The following MAP2K5 variants were observed in gnomAD, a reference collection of about 807,000 sequenced individuals.
MAP2K5 encodes mitogen-activated protein kinase kinase 5.
MAP2K5 carries 49 observed loss-of-function variants against 83.1 expected under a neutral mutation model. The ratio of observed to expected loss-of-function variants is 0.59; its 90% CI spans 0.47 to 0.75. The LOEUF is 0.75. MAP2K5 is among the 30% of genes least tolerant of loss of function. The pLI, the probability that MAP2K5 is intolerant of heterozygous loss-of-function variation, is 0.00. For synonymous variants in MAP2K5, 202 were observed against 191.8 expected, an observed-to-expected ratio of 1.05 and a Z score of -0.44; for missense variants, 457 against 557.5, an observed-to-expected ratio of 0.82 and a Z score of 1.82.
chr15:67,806,567 CTGAGGGCAGGCCCTGGAAAGTACAA>C, intron 21 of MAP2K5, 54 bp from the exon 22 acceptor site: 1 of 1,253,800 alleles, frequency 8.0e-7, no homozygotes, highest in Non-Finnish European at 1.1e-6. Context: ...CAGATCCAGG[CTGAGGGCAGGCCCTGGAAAGTACAA>C]TGAGCGCGGG....
Position 67,711,177 on chromosome 15 carries a change from C to T in MAP2K5, c.1044+7769C>T, listed in dbSNP as rs12907213. Among the ~76,000 whole-genome samples, 573 of 152,322 alleles carry T rather than the reference C, an allele frequency of 3.8e-3. 5 individuals carry two copies. Among genetic ancestry groups the T allele is most frequent in the South Asian group, 0.013 (63 of 4,828 alleles). Reference sequence around the variant, plus strand: ...AGTACAATTCCATTGCCCTAGTGGGCACTCAGTAAATCTTTTTGACTCAAA... The same window carrying T: ...AGTACAATTCCATTGCCCTAGTGGGTACTCAGTAAATCTTTTTGACTCAAA... On this transcript the variant is annotated intron_variant, in intron 16 of 21. Transcript: ENST00000178640.
intron 17 of MAP2K5, among the ~76,000 whole-genome samples, chr15:67,733,792 T>C (rs983920173): frequency 6.6e-6 from 1 of 152,058 alleles, no homozygotes; most frequent in African/African-American, 2.4e-5. Flanking sequence ...AAGTGAAAAA[T>C]ATGCATTCTT....
At chr15:67,697,529 A>G (rs1398274489) in intron 15 of MAP2K5, among the ~76,000 whole-genome samples, 2 of 152,134 alleles carry the variant, frequency 1.3e-5, no homozygotes, top group African/African-American at 4.8e-5. Context: ...ATCTCCCCCA[A>G]TCTAGATTAT....
rs190813175 is a variant in MAP2K5, at chr15:67,674,094, G to A, written c.847+9449G>A. On this transcript the variant is annotated intron_variant, in intron 13 of 21. Transcript: ENST00000178640. ...GATCTCCTGACCTTGTGATCCACCC[G>A]TCTCGGCCTCCCAAAGTGCTGAGAT... Among the ~76,000 whole-genome samples the A allele has an allele frequency of 4.5e-4, 69 of 152,200 alleles. 1 individual carries two copies. The Middle Eastern group carries it at 0.017, about 38-fold the overall frequency.
rs752127319 is a variant in MAP2K5, at chr15:67,769,607, G to T, written c.1140G>T (p.Ser380=). 1 of 1,613,604 alleles carries T rather than the reference G, an allele frequency of 6.2e-7. No individual in the cohort carries two copies. ...ATGTTTTTCCTCCATCACAGGATTC[G>T]CCCGTCCTTCCAGTTGGAGAGTTCT... ...QLLQCIVDED[S]PVLPVGEFSE... The change falls in exon 20 of 22, where the codon TCG becomes TCT. Residue 380 remains serine (S), a synonymous_variant. Transcript: ENST00000178640. This position sits in a 1 kb window ranked among gnomAD's most constrained non-coding sequence, Gnocchi z 5.2.
intron 4 of MAP2K5, among the ~76,000 whole-genome samples, chr15:67,582,823 A>AACACAC (rs10579310): frequency 8.8e-5 from 13 of 148,234 alleles, no homozygotes; most frequent in East Asian, 4.0e-4. Context: ...ATTGTCTCAA[A>AACACAC]ACACACACAC....
At position 67,690,804 on chromosome 15, in the gene MAP2K5, G is replaced by A. The variant is rs1336535160; in HGVS notation, c.848-1675G>A. Among the ~76,000 whole-genome samples the A allele has an allele frequency of 6.6e-6, 1 of 152,148 alleles. No individual in the cohort carries two copies. Among genetic ancestry groups the A allele is most frequent in the East Asian group, 1.9e-4 (1 of 5,198 alleles). On this transcript the variant is annotated intron_variant, in intron 13 of 21. Coordinates refer to ENST00000178640, the MANE Select transcript of MAP2K5 (RefSeq NM_145160.3). The surrounding 1 kb of genome is among the most constrained non-coding windows in gnomAD (Gnocchi z 4.3). The stretch of plus-strand genomic sequence containing the variant: ...CTGCCTCAGCCTCCCAAAGTGTTGG[G>A]ATTACATGCGTGAGCCACTGCTCCC...
At position 67,780,458 on chromosome 15, in the gene MAP2K5, G is replaced by T. The variant is rs908495102; in HGVS notation, c.1242+7706G>T. On this transcript the variant is annotated intron_variant, in intron 21 of 21. Coordinates refer to ENST00000178640, the MANE Select transcript of MAP2K5 (RefSeq NM_145160.3). The surrounding 1 kb of genome is among the most constrained non-coding windows in gnomAD (Gnocchi z 5.0). ...AGGCAAAACAGTGTTGGTTGCACAT[G>T]CTATTCTCTCTAATCCAATCCAGTA... Among the ~76,000 whole-genome samples the T allele has an allele frequency of 6.6e-6, 1 of 152,132 alleles. No individual in the cohort carries two copies.
intron 11 of MAP2K5, among the ~76,000 whole-genome samples, chr15:67,649,615 T>G (rs2141125010): frequency 6.6e-6 from 1 of 152,326 alleles, no homozygotes; most frequent in Non-Finnish European, 1.5e-5. Flanking sequence ...CTTGTTATAC[T>G]TGTTGAAAAT....
At chr15:67,684,739 G>A (rs1349993326) in intron 13 of MAP2K5, among the ~76,000 whole-genome samples, 3 of 152,050 alleles carry the variant, frequency 2.0e-5, no homozygotes, top group Non-Finnish European at 2.9e-5. Context: ...GGAAACATGA[G>A]CATAATGAGA....
chr15:67,564,876 A>T (rs1251356189), intron 3 of MAP2K5, among the ~76,000 whole-genome samples: 1 of 152,232 alleles, frequency 6.6e-6, no homozygotes, highest in African/African-American at 2.4e-5. Flanking sequence ...CATGCAAAAG[A>T]TATGTACTTT....
rs1346301189 is a variant in MAP2K5 at position 67,590,942 on chromosome 15, C to T, written c.432-1984C>T. 3.3e-5 allele frequency among the ~76,000 whole-genome samples: 5 copies of T among 152,226 alleles called. No individual in the cohort carries two copies. The South Asian group carries it at 6.2e-4, about 19-fold the overall frequency. On this transcript the variant is annotated intron_variant, in intron 6 of 21. Transcript: ENST00000178640. ...AGAATACGTAAGATGTGTCTGTGTT[C>T]TCAGGGAGCTCCCAGACTCTCCCCT...
chr15:67,630,791 A>C, intron 8 of MAP2K5, 97 bp from the exon 9 acceptor site: 1 of 787,124 alleles, frequency 1.3e-6, no homozygotes, highest in South Asian at 1.5e-5. Flanking sequence ...CATGTATCCC[A>C]CTGCTGCAGA....
In MAP2K5 at chr15:67,543,485, CAG is replaced by C. The variant is rs1465730806; in HGVS notation, c.135+16_135+17del. The C allele has an allele frequency of 4.3e-6, 7 of 1,613,952 alleles. No individual in the cohort carries two copies. The highest frequency in any genetic ancestry group is 5.9e-6 in the Non-Finnish European group (7 of 1,179,922). ...GGGATGTGCTGGTGAGTGGTAATCT[CAG>C]TGTCCGGATGCCAGCAAGGGGGACT... On this transcript the variant is annotated intron_variant, in intron 1 of 21. Transcript: ENST00000178640. This position sits in a 1 kb window ranked among gnomAD's most constrained non-coding sequence, Gnocchi z 4.3.
In MAP2K5 at chr15:67,782,528, CTCTCT is replaced by C. The variant is rs1458288640; in HGVS notation, c.1242+9781_1242+9785del. ...TTTTTCAGCGCCTCACAGTAGGCGC[CTCTCT>C]TCTCACAGTGACCAGGCCTGAGTTT... On this transcript the variant is annotated intron_variant, in intron 21 of 21. Coordinates refer to ENST00000178640, the MANE Select transcript of MAP2K5 (RefSeq NM_145160.3). The surrounding 1 kb of genome is among the most constrained non-coding windows in gnomAD (Gnocchi z 4.9). Among the ~76,000 whole-genome samples the C allele has an allele frequency of 6.6e-6, 1 of 152,136 alleles. No homozygotes were observed. Among genetic ancestry groups the C allele is most frequent in the African/African-American group, 2.4e-5 (1 of 41,422 alleles).
chr15:67,701,524 G>A (rs774311645), intron 15 of MAP2K5, among the ~76,000 whole-genome samples: 3 of 152,208 alleles, frequency 2.0e-5, no homozygotes, highest in Non-Finnish European at 4.4e-5. Flanking sequence ...TAATTCTGCT[G>A]TAGGAGTAGA....
rs1391824085 is a variant in MAP2K5 at position 67,587,083 on chromosome 15, C to A, written c.431+170C>A. ...TGAATGTTTAGATTTAGACTGGGTG[C>A]TGAGAAGGCTCTCTGGGGAGAGTGA... On this transcript the variant is annotated intron_variant, in intron 6 of 21. Coordinates refer to ENST00000178640, the MANE Select transcript of MAP2K5 (RefSeq NM_145160.3). The surrounding 1 kb of genome is among the most constrained non-coding windows in gnomAD (Gnocchi z 4.8). 6.6e-6 allele frequency among the ~76,000 whole-genome samples: 1 copy of A among 152,152 alleles called. No individual in the cohort carries two copies. Among genetic ancestry groups the A allele is most frequent in the African/African-American group, 2.4e-5 (1 of 41,426 alleles).
At chr15:67,564,655 G>T (rs2140967711) in intron 3 of MAP2K5, among the ~76,000 whole-genome samples, 1 of 152,258 alleles carries the variant, frequency 6.6e-6, no homozygotes, top group East Asian at 1.9e-4. Flanking sequence ...TGAGAATTTA[G>T]AGCTGGGCTC....
chr15:67,639,428 A>C (rs1416088680), intron 9 of MAP2K5, among the ~76,000 whole-genome samples: 1 of 152,196 alleles, frequency 6.6e-6, no homozygotes, highest in Non-Finnish European at 1.5e-5. Context: ...ACTCTTACTG[A>C]TTCCTGTTTT....
Sources: allele counts gnomAD v4.1 joint callset (sites outside exome capture counted in the v4.1 genomes callset), GRCh38; gene constraint gnomAD v4.1.1; non-coding constraint Gnocchi (gnomAD v3.1); transcripts MANE v1.5; gene names NCBI Gene and HGNC (gene_info 2026-07-23, HGNC 2026-07-21).